MAGI2: variants seen among roughly 807,000 people sequenced by gnomAD.
MAGI2 encodes membrane associated guanylate kinase, WW and PDZ domain containing 2.
A neutral mutation model predicts 133.3 loss-of-function variants in MAGI2; 35 were observed. That is an observed-to-expected ratio of 0.26 (90% CI 0.20 to 0.35). MAGI2 has a LOEUF of 0.35. Ranked by LOEUF, MAGI2 falls within the 10% of genes least tolerant of loss-of-function variation. MAGI2 has a pLI of 1.00. For missense variants in MAGI2, 1,636 were observed against 1,863.4 expected (o/e 0.88, Z 2.25); for synonymous variants, 729 against 710.6 (o/e 1.03, Z -0.41).
intron 1 of MAGI2, among the ~76,000 whole-genome samples, chr7:79,395,271 A>T (rs1464115222): frequency 6.6e-6 from 1 of 152,358 alleles, no homozygotes; most frequent in East Asian, 1.9e-4. Context: ...AAACCATGTA[A>T]TTATACAATG....
chr7:79,400,022 A>T (rs183919341), intron 1 of MAGI2, among the ~76,000 whole-genome samples: 19 of 152,360 alleles, frequency 1.2e-4, no homozygotes, highest in African/African-American at 4.6e-4. Context: ...AAAGGCTGTC[A>T]GAGAAAATAG....
At chr7:78,382,924 G>A (rs1207610129) in intron 6 of MAGI2, among the ~76,000 whole-genome samples, 5 of 152,000 alleles carry the variant, frequency 3.3e-5, no homozygotes, top group African/African-American at 1.2e-4. Flanking sequence ...CCATGTTGCT[G>A]GAAATGACAT....
chr7:79,348,350 T>C (rs17152348), intron 1 of MAGI2, among the ~76,000 whole-genome samples: 47,104 of 151,714 alleles, frequency 0.31, 7,617 homozygotes, highest in Admixed American at 0.38. Flanking sequence ...AATCAGAGTA[T>C]GGTAGTAAGG....
chr7:79,011,784 G>A (rs1808123695), intron 1 of MAGI2, among the ~76,000 whole-genome samples: 1 of 151,978 alleles, frequency 6.6e-6, no homozygotes, highest in African/African-American at 2.4e-5. Flanking sequence ...AAATACTGTG[G>A]TGAATATTTA....
At chr7:78,881,147 G>T (rs1257439104) in intron 2 of MAGI2, among the ~76,000 whole-genome samples, 1 of 152,072 alleles carries the variant, frequency 6.6e-6, no homozygotes, top group Non-Finnish European at 1.5e-5. Context: ...CCCATTGATA[G>T]CACTAGACAG....
At chr7:78,838,358 A>C (rs2151457430) in intron 2 of MAGI2, among the ~76,000 whole-genome samples, 1 of 152,038 alleles carries the variant, frequency 6.6e-6, no homozygotes, top group East Asian at 1.9e-4. Context: ...AACTTGGAGG[A>C]AGAATGCTGG....
chr7:79,413,845 T>C (rs1226948581), intron 1 of MAGI2: 4 of 152,186 alleles, frequency 2.6e-5, no homozygotes, highest in African/African-American at 4.8e-5. Context: ...CTGTTCAATA[T>C]TTGAAATACT....
intron 6 of MAGI2, among the ~76,000 whole-genome samples, chr7:78,474,460 G>A (rs10485897): frequency 0.041 from 6,202 of 152,022 alleles, 459 homozygotes; most frequent in East Asian, 0.34. Flanking sequence ...ACAACTCTAG[G>A]TACTAGGATT....
At chr7:78,162,789 G>A (rs556358973) in intron 15 of MAGI2, among the ~76,000 whole-genome samples, 5 of 152,162 alleles carry the variant, frequency 3.3e-5, no homozygotes, top group South Asian at 2.1e-4. Context: ...AGAAGACTTC[G>A]AAGGTCTTCC....
At chr7:79,183,614 C>G (rs1826809666) in intron 1 of MAGI2, among the ~76,000 whole-genome samples, 1 of 151,822 alleles carries the variant, frequency 6.6e-6, no homozygotes, top group Admixed American at 6.6e-5. Context: ...ATTTGAAGAA[C>G]CTGCCCATTA....
intron 1 of MAGI2, among the ~76,000 whole-genome samples, chr7:79,321,069 C>T (rs1563112684): frequency 6.6e-6 from 1 of 152,014 alleles, no homozygotes; most frequent in Non-Finnish European, 1.5e-5. Flanking sequence ...ATTAGATGGA[C>T]ATAATTTGGA....
chr7:79,300,482 A>G (rs1029976910), intron 1 of MAGI2, among the ~76,000 whole-genome samples: 5 of 152,230 alleles, frequency 3.3e-5, no homozygotes, highest in Non-Finnish European at 1.5e-5. Flanking sequence ...GATATTTTTA[A>G]GCAGCAAAGC....
chr7:78,256,946 T>C (rs1001630987), intron 9 of MAGI2, among the ~76,000 whole-genome samples: 27 of 152,226 alleles, frequency 1.8e-4, no homozygotes, highest in Admixed American at 1.0e-3. Context: ...AATATAATTT[T>C]CGAACTATTG....
chr7:79,274,179 A>G (rs1273001072), intron 1 of MAGI2, among the ~76,000 whole-genome samples: 1 of 152,156 alleles, frequency 6.6e-6, no homozygotes, highest in Non-Finnish European at 1.5e-5. Flanking sequence ...GTTATACTGA[A>G]AAACACTTAT....
At chr7:78,818,188 A>G (rs1204529079) in intron 2 of MAGI2, among the ~76,000 whole-genome samples, 1 of 152,162 alleles carries the variant, frequency 6.6e-6, no homozygotes, top group Non-Finnish European at 1.5e-5. Flanking sequence ...GAAGCTTTGT[A>G]TTTGAAGTTT....
intron 13 of MAGI2, 55 bp downstream of exon 13, chr7:78,185,574 A>T: frequency 7.3e-7 from 1 of 1,364,270 alleles, no homozygotes. Flanking sequence ...ATGATTTGTT[A>T]CACAAAATGG....
chr7:78,982,909 A>T (rs938454044), intron 2 of MAGI2, among the ~76,000 whole-genome samples: 10 of 151,890 alleles, frequency 6.6e-5, no homozygotes, highest in African/African-American at 2.4e-4. Context: ...TTTTAATATG[A>T]TTATAGGACA....
chr7:79,266,920 C>T (rs543330395), intron 1 of MAGI2, among the ~76,000 whole-genome samples: 8 of 152,108 alleles, frequency 5.3e-5, no homozygotes, highest in African/African-American at 1.7e-4. Context: ...AAACTCCTAC[C>T]AGATGGAAAA....
chr7:78,881,787 G>A (rs1261587124), intron 2 of MAGI2, among the ~76,000 whole-genome samples: 1 of 151,946 alleles, frequency 6.6e-6, no homozygotes, highest in Non-Finnish European at 1.5e-5. Flanking sequence ...AAACGTGTGA[G>A]ATGCAGCAAG....
Sources: gnomAD v4.1 joint callset for allele counts (sites outside exome capture counted in the v4.1 genomes callset) on GRCh38, gnomAD v4.1.1 for gene constraint, MANE v1.5 for transcripts, NCBI Gene and HGNC (gene_info 2026-07-23, HGNC 2026-07-21) for gene names.